Variants in ASTN2 observed in about 807,000 individuals in gnomAD.
ASTN2 encodes the protein astrotactin-2.
Under a neutral mutation model 139.8 loss-of-function variants are expected in ASTN2, and 54 were observed. The observed-to-expected ratio is 0.39, with a 90% confidence interval of 0.31 to 0.48. The LOEUF (loss-of-function observed/expected upper bound fraction) is 0.48. Among genes scored for constraint, ASTN2 ranks in the 20% least tolerant of loss-of-function variants. ASTN2 has a pLI of 0.95. For synonymous variants in ASTN2, 756 were observed against 719.5 expected (o/e 1.05, Z -0.81); for missense variants, 1,565 against 1,725.1 (o/e 0.91, Z 1.64).
intron 5 of ASTN2, among the ~76,000 whole-genome samples, chr9:117,059,118 T>C (rs1839160674): frequency 6.6e-6 from 1 of 152,154 alleles, no homozygotes; most frequent in Admixed American, 6.5e-5. Flanking sequence ...ATGGCTTGAA[T>C]AGTGGTGACA....
chr9:116,486,552 A>G (rs753101884), intron 20 of ASTN2, among the ~76,000 whole-genome samples: 3 of 152,236 alleles, frequency 2.0e-5, no homozygotes, highest in Non-Finnish European at 4.4e-5. Flanking sequence ...AATGAGTTGA[A>G]TAACTGGTGA....
chr9:116,961,967 C>T (rs1835885634), intron 10 of ASTN2, among the ~76,000 whole-genome samples: 1 of 152,230 alleles, frequency 6.6e-6, no homozygotes, highest in Admixed American at 6.5e-5. Context: ...GTTATTTCTA[C>T]ATTGCAAATA....
intron 13 of ASTN2, among the ~76,000 whole-genome samples, chr9:116,739,416 T>A (rs1376035208): frequency 3.3e-5 from 5 of 152,162 alleles, no homozygotes; most frequent in Admixed American, 1.3e-4. Flanking sequence ...CTTAAGTTCC[T>A]TTTCTGGGGC....
In ASTN2 at chr9:116,698,344, G is replaced by A. The variant is rs1860989019; in HGVS notation, c.2806+27427C>T. ...CGCAGGGTCCAGGATGAGCTGGCTC[G>A]CTCTCGGAAGTTCTTCACAGGCTCT... On this transcript the variant is annotated intron_variant, in intron 16 of 22. Coordinates refer to ENST00000313400, the MANE Select transcript of ASTN2 (RefSeq NM_001365068.1). The surrounding 1 kb of genome is among the most constrained non-coding windows in gnomAD (Gnocchi z 4.4). The A allele has an allele frequency of 1.2e-6, 2 of 1,614,122 alleles. No individual in the cohort carries two copies. The highest frequency in any genetic ancestry group is 1.1e-5 in the South Asian group (1 of 91,078).
chr9:117,161,998 G>C (rs1399881672), intron 3 of ASTN2, among the ~76,000 whole-genome samples: 3 of 151,990 alleles, frequency 2.0e-5, no homozygotes, highest in African/African-American at 4.8e-5. Context: ...GAGACTCAAA[G>C]AGAGTGCATA....
intron 13 of ASTN2, among the ~76,000 whole-genome samples, chr9:116,776,333 G>A (rs1051493102): frequency 3.3e-5 from 5 of 152,138 alleles, no homozygotes; most frequent in Non-Finnish European, 5.9e-5. Flanking sequence ...TGAGTATAAA[G>A]CATTTGTCTT....
intron 6 of ASTN2, among the ~76,000 whole-genome samples, chr9:117,037,375 T>C (rs1311305776): frequency 6.6e-6 from 1 of 152,160 alleles, no homozygotes; most frequent in Non-Finnish European, 1.5e-5. Flanking sequence ...CTCAGCCACA[T>C]GCTGTCTGAA....
chr9:117,306,709 C>A (rs1388615679), intron 1 of ASTN2, among the ~76,000 whole-genome samples: 1 of 152,170 alleles, frequency 6.6e-6, no homozygotes. Flanking sequence ...CAAGTCTCAG[C>A]TCTATTATTT....
chr9:116,623,725 G>A (rs1010395860), intron 17 of ASTN2, among the ~76,000 whole-genome samples: 1 of 152,150 alleles, frequency 6.6e-6, no homozygotes, highest in African/African-American at 2.4e-5. Context: ...ATTACCCATT[G>A]AAATGGATGC....
intron 2 of ASTN2, among the ~76,000 whole-genome samples, chr9:117,248,210 T>C (rs1314355371): frequency 1.3e-5 from 2 of 152,192 alleles, no homozygotes; most frequent in Non-Finnish European, 2.9e-5. Flanking sequence ...TGAAGTGTTA[T>C]GGTGGAAGGA....
At chr9:116,840,451 G>A (rs1043083922) in intron 11 of ASTN2, among the ~76,000 whole-genome samples, 4 of 148,762 alleles carry the variant, frequency 2.7e-5, no homozygotes, top group African/African-American at 9.9e-5. Flanking sequence ...CAGTAGGCGC[G>A]GCCGGGCAGA....
At position 116,480,271 on chromosome 9, in the gene ASTN2, T is replaced by C. The variant is rs1000668072; in HGVS notation, c.3497+7088A>G. ...ACAGAGAAAGATAGAAATAGAAACA[T>C]AGAAACCTAGAGACAGATGTAGAGA... On this transcript the variant is annotated intron_variant, in intron 20 of 22. Transcript: ENST00000313400. 5.9e-5 allele frequency among the ~76,000 whole-genome samples: 9 copies of C among 151,798 alleles called. No homozygotes were observed. The South Asian group carries it at 8.4e-4, about 14-fold the overall frequency.
In ASTN2 at chr9:116,425,828, C is replaced by T. The variant is rs907892166; in HGVS notation, c.*23G>A. ...CCCCCTCCCATGGAGAGTCTCTGTGCTCACGGAGGGCAATACCCTCCCTCA... is the reference window on the plus strand; with the variant it reads ...CCCCCTCCCATGGAGAGTCTCTGTGTTCACGGAGGGCAATACCCTCCCTCA... On this transcript the variant is annotated 3_prime_UTR_variant, in exon 23 of 23. Coordinates refer to ENST00000313400, the MANE Select transcript of ASTN2 (RefSeq NM_001365068.1). 1.9e-6 allele frequency: 3 copies of T among 1,613,796 alleles called. No individual in the cohort carries two copies. In the African/African-American group the frequency reaches 4.0e-5, roughly 22 times the overall value.
chr9:116,784,473 A>T (rs1830308016), intron 13 of ASTN2, among the ~76,000 whole-genome samples: 1 of 152,234 alleles, frequency 6.6e-6, no homozygotes, highest in Admixed American at 6.5e-5. Flanking sequence ...GACTAAGGTC[A>T]TGTGGTGCTC....
chr9:117,353,598 C>G (rs1246253523), intron 1 of ASTN2, among the ~76,000 whole-genome samples: 1 of 152,150 alleles, frequency 6.6e-6, no homozygotes, highest in African/African-American at 2.4e-5. Flanking sequence ...CAAGTTAAGA[C>G]TTCAGCATTG....
intron 10 of ASTN2, among the ~76,000 whole-genome samples, chr9:116,954,065 G>A (rs1835640080): frequency 6.6e-6 from 1 of 152,274 alleles, no homozygotes; most frequent in South Asian, 2.1e-4. Context: ...AAATAGCAGA[G>A]ATTCTAATAA....
At chr9:116,807,904 G>A (rs113410043) in intron 12 of ASTN2, among the ~76,000 whole-genome samples, 2,728 of 150,840 alleles carry the variant, frequency 0.018, 37 homozygotes, top group Non-Finnish European at 0.026. Flanking sequence ...GAGGTCAGGC[G>A]TTCAAGACCA....
At chr9:117,090,173 G>A (rs1198747040) in intron 5 of ASTN2, among the ~76,000 whole-genome samples, 1 of 152,162 alleles carries the variant, frequency 6.6e-6, no homozygotes, top group East Asian at 1.9e-4. Context: ...GTTGCCTATG[G>A]CAGGTTTCAC....
intron 2 of ASTN2, among the ~76,000 whole-genome samples, chr9:117,241,591 A>G (rs1230786750): frequency 6.6e-6 from 1 of 152,188 alleles, no homozygotes; most frequent in Admixed American, 6.5e-5. Context: ...GCAGTTCACA[A>G]TAGGATTCGT....
Sources: gnomAD v4.1 joint callset for allele counts (sites outside exome capture counted in the v4.1 genomes callset) on GRCh38, gnomAD v4.1.1 for gene constraint, Gnocchi (gnomAD v3.1) non-coding constraint, MANE v1.5 for transcripts, NCBI Gene and HGNC (gene_info 2026-07-23, HGNC 2026-07-21) for gene names.